The following SPTLC3 variants were observed in gnomAD, a reference collection of about 807,000 sequenced individuals.
SPTLC3 encodes the protein serine palmitoyltransferase long chain base subunit 3.
A neutral mutation model predicts 59.3 loss-of-function variants in SPTLC3; 36 were observed. The ratio of observed to expected loss-of-function variants is 0.61; its 90% confidence interval spans 0.47 to 0.80. The LOEUF (loss-of-function observed/expected upper bound fraction) is 0.80, where lower values mean the gene tolerates loss of function less well. Among genes scored for constraint, SPTLC3 ranks in the 30% least tolerant of loss-of-function variants. The pLI, the probability that SPTLC3 is intolerant of heterozygous loss-of-function variation, is 0.00. For synonymous variants in SPTLC3, 257 were observed against 240.8 expected (o/e 1.07, Z -0.62); for missense variants, 625 against 685.1 (o/e 0.91, Z 0.98).
At position 13,080,996 on chromosome 20, in the gene SPTLC3, C is replaced by G. The variant is rs149023847; in HGVS notation, c.607+6499C>G. Among the ~76,000 whole-genome samples, 47 of 152,240 alleles carry G rather than the reference C, an allele frequency of 3.1e-4. No homozygotes were observed. The East Asian group carries it at 8.9e-3, about 29-fold the overall frequency. On this transcript the variant is annotated intron_variant, in intron 4 of 11. Transcript: ENST00000399002. ...AATTCTTTAGCACCATGGTCAAGAACAAAAGCTCTGGGATTAAGTTGCTTA... is the reference window on the plus strand; with the variant it reads ...AATTCTTTAGCACCATGGTCAAGAAGAAAAGCTCTGGGATTAAGTTGCTTA...
chr20:13,077,796 T>A (rs567782865), intron 4 of SPTLC3, among the ~76,000 whole-genome samples: 5 of 151,728 alleles, frequency 3.3e-5, no homozygotes, highest in East Asian at 3.9e-4. Flanking sequence ...TTTTTTTTTT[T>A]AAAGAGTTAG....
chr20:13,161,833 C>T (rs1174946608), intron 11 of SPTLC3, among the ~76,000 whole-genome samples: 6 of 152,266 alleles, frequency 3.9e-5, no homozygotes, highest in South Asian at 2.1e-4. Context: ...TGCACACACA[C>T]GCACACACAC....
At chr20:13,080,252 G>A (rs1988792565) in intron 4 of SPTLC3, among the ~76,000 whole-genome samples, 1 of 152,082 alleles carries the variant, frequency 6.6e-6, no homozygotes, top group African/African-American at 2.4e-5. Flanking sequence ...ACTCATGCCT[G>A]TAATCCAGAC....
At chr20:13,110,335 C>A in intron 7 of SPTLC3, 118 bp downstream of exon 7, 1 of 823,512 alleles carries the variant, frequency 1.2e-6, no homozygotes, top group Non-Finnish European at 1.9e-6. Flanking sequence ...TTATATGACA[C>A]AGGGACCTGA....
At chr20:13,132,216 AC>A (rs1357771887) in intron 9 of SPTLC3, among the ~76,000 whole-genome samples, 1 of 122,394 alleles carries the variant, frequency 8.2e-6, no homozygotes, top group African/African-American at 3.2e-5. Context: ...TCACTCTGTC[AC>A]CCAGGCTGGA....
chr20:13,032,899 A>G (rs1292253420), intron 1 of SPTLC3, among the ~76,000 whole-genome samples: 2 of 152,168 alleles, frequency 1.3e-5, no homozygotes, highest in Non-Finnish European at 2.9e-5. Context: ...ATTAATCAAT[A>G]GAAAGAAAGG....
rs775951146 is a variant in SPTLC3, at chr20:13,048,895, A to G, written c.118-50A>G. 4 of 1,472,286 alleles carry G rather than the reference A, an allele frequency of 2.7e-6. No individual in the cohort carries two copies. In the South Asian group the frequency reaches 5.8e-5, roughly 21 times the overall value. The allele number at this position is 1,472,286 out of a possible 1,614,324, so 91.2% of individuals were successfully genotyped here. On this transcript the variant is annotated intron_variant, in intron 1 of 11. Coordinates refer to ENST00000399002, the MANE Select transcript of SPTLC3 (RefSeq NM_018327.4). ...AGTTCACAATTTTAGGTATCATAGTATATCTGTAACAGGAGAATGCTAACC... is the reference window on the plus strand; with the variant it reads ...AGTTCACAATTTTAGGTATCATAGTGTATCTGTAACAGGAGAATGCTAACC...
chr20:13,059,306 A>G (rs1987855269), intron 2 of SPTLC3, among the ~76,000 whole-genome samples: 1 of 152,178 alleles, frequency 6.6e-6, no homozygotes, highest in Non-Finnish European at 1.5e-5. Context: ...TCGCTGTTTC[A>G]CTGTTACGTC....
At chr20:13,147,261 G>T (rs1224835148) in intron 9 of SPTLC3, among the ~76,000 whole-genome samples, 1 of 152,148 alleles carries the variant, frequency 6.6e-6, no homozygotes, top group Non-Finnish European at 1.5e-5. Flanking sequence ...TTCAGTGCCT[G>T]ATAAAAATGT....
intron 11 of SPTLC3, among the ~76,000 whole-genome samples, chr20:13,162,089 G>T (rs2038905612): frequency 6.6e-6 from 1 of 152,214 alleles, no homozygotes; most frequent in Non-Finnish European, 1.5e-5. Context: ...ATGAGTTGGT[G>T]TTAAGAAAAG....
At chr20:13,056,856 C>T (rs1357777516) in intron 2 of SPTLC3, among the ~76,000 whole-genome samples, 1 of 151,782 alleles carries the variant, frequency 6.6e-6, no homozygotes, top group African/African-American at 2.4e-5. Flanking sequence ...ATTCTCCTGC[C>T]TCAGCCTCTC....
intron 2 of SPTLC3, among the ~76,000 whole-genome samples, chr20:13,064,137 C>G (rs1214829377): frequency 1.3e-5 from 2 of 151,610 alleles, no homozygotes; most frequent in Non-Finnish European, 2.9e-5. Flanking sequence ...TCAAGTGATT[C>G]TCCTGCCTCA....
intron 1 of SPTLC3, among the ~76,000 whole-genome samples, chr20:13,029,660 G>A (rs1986330528): frequency 6.6e-6 from 1 of 152,122 alleles, no homozygotes; most frequent in Non-Finnish European, 1.5e-5. Context: ...TTTCATGGAA[G>A]CAAAAGGCTT....
At chr20:13,087,062 C>T (rs1353333305) in intron 4 of SPTLC3, among the ~76,000 whole-genome samples, 1 of 152,172 alleles carries the variant, frequency 6.6e-6, no homozygotes, top group Non-Finnish European at 1.5e-5. Context: ...TCCCAAAGTG[C>T]TGGGATTATA....
intron 4 of SPTLC3, among the ~76,000 whole-genome samples, chr20:13,086,281 C>T (rs999409322): frequency 2.0e-5 from 3 of 152,196 alleles, no homozygotes; most frequent in Admixed American, 6.5e-5. Flanking sequence ...ACTTTATTTC[C>T]CCAAGCTCTT....
chr20:13,137,823 A>G (rs958674432), intron 9 of SPTLC3, among the ~76,000 whole-genome samples: 2 of 152,202 alleles, frequency 1.3e-5, no homozygotes, highest in Non-Finnish European at 2.9e-5. Context: ...GGCAACAGCT[A>G]ATCCTCTCAT....
chr20:13,016,434 T>C (rs1985531393), intron 1 of SPTLC3, among the ~76,000 whole-genome samples: 1 of 152,168 alleles, frequency 6.6e-6, no homozygotes, highest in South Asian at 2.1e-4. Flanking sequence ...ATAGCAGTAA[T>C]GCAAAGTGGA....
intron 2 of SPTLC3, among the ~76,000 whole-genome samples, chr20:13,061,280 G>C (rs143963521): frequency 0.01 from 1,529 of 152,234 alleles, 13 homozygotes; most frequent in Middle Eastern, 0.02. Flanking sequence ...CAGGGGCCTT[G>C]TGAAATTATG....
At chr20:13,118,685 G>C (rs1383667180) in intron 8 of SPTLC3, among the ~76,000 whole-genome samples, 3 of 152,114 alleles carry the variant, frequency 2.0e-5, no homozygotes, top group Non-Finnish European at 4.4e-5. Flanking sequence ...GCCACACCAG[G>C]CCCAAAACCA....
Sources: gnomAD v4.1 joint callset for allele counts (sites outside exome capture counted in the v4.1 genomes callset) on GRCh38, gnomAD v4.1.1 for gene constraint, MANE v1.5 for transcripts, NCBI Gene and HGNC (gene_info 2026-07-23, HGNC 2026-07-21) for gene names.